The following KTN1 variants were observed in gnomAD, a reference collection of about 807,000 sequenced individuals.
KTN1 encodes the protein kinectin.
A neutral mutation model predicts 222.5 loss-of-function variants in KTN1; 130 were observed. That is an observed-to-expected ratio of 0.58 (90% CI 0.51 to 0.68). The LOEUF is 0.68. KTN1 is among the 30% of genes least tolerant of loss of function. KTN1 has a pLI of 0.00. For synonymous variants in KTN1, 512 were observed against 496.3 expected (o/e 1.03, Z -0.42); for missense variants, 1,508 against 1,500.4 (o/e 1.01, Z -0.08).
intron 18 of KTN1, among the ~76,000 whole-genome samples, chr14:55,643,949 G>A (rs1392477577): frequency 6.6e-6 from 1 of 152,098 alleles, no homozygotes; most frequent in Non-Finnish European, 1.5e-5. Context: ...AAATTTTATA[G>A]CCACATTTTT....
chr14:55,679,105 C>CTA (rs924519279), intron 42 of KTN1: 2 of 159,684 alleles, frequency 1.3e-5, no homozygotes, highest in African/African-American at 2.4e-5. Context: ...ATAATAGTAC[C>CTA]TATCCTGTAG....
chr14:55,583,210 CTG>C (rs1048765093), intron 1 of KTN1, among the ~76,000 whole-genome samples: 4 of 152,252 alleles, frequency 2.6e-5, no homozygotes, highest in Non-Finnish European at 5.9e-5. Context: ...CAGTTTACAA[CTG>C]TGTGCCGAGC....
In KTN1 at chr14:55,636,064, A is replaced by T. The variant is rs563943512; in HGVS notation, c.1462-385A>T. 7.9e-5 allele frequency among the ~76,000 whole-genome samples: 12 copies of T among 152,276 alleles called. No individual in the cohort carries two copies. The South Asian group carries it at 2.5e-3, about 32-fold the overall frequency. Reference sequence around the variant, plus strand: ...TACCTCAAAATAAGAATTTTTAGCTACTTAGATTTAGCAATAAAGACACCA... The same window carrying T: ...TACCTCAAAATAAGAATTTTTAGCTTCTTAGATTTAGCAATAAAGACACCA... On this transcript the variant is annotated intron_variant, in intron 9 of 43. Transcript: ENST00000395314.
At chr14:55,601,411 T>A (rs575389045) in intron 1 of KTN1, among the ~76,000 whole-genome samples, 2 of 152,316 alleles carry the variant, frequency 1.3e-5, no homozygotes, top group Non-Finnish European at 2.9e-5. Flanking sequence ...CTGGATTGTT[T>A]TGTCTTTTGC....
chr14:55,645,669 T>A (rs2042213164), intron 18 of KTN1, among the ~76,000 whole-genome samples: 1 of 152,210 alleles, frequency 6.6e-6, no homozygotes, highest in African/African-American at 2.4e-5. Flanking sequence ...AACTCCTATT[T>A]CCCTTCTCAT....
chr14:55,669,486 GCTT>G (rs2045242629), intron 34 of KTN1, among the ~76,000 whole-genome samples: 1 of 151,808 alleles, frequency 6.6e-6, no homozygotes, highest in Admixed American at 6.6e-5. Context: ...AAAGCAATAA[GCTT>G]CATTAATATT....
chr14:55,608,977 G>A (rs2037154620), intron 1 of KTN1, among the ~76,000 whole-genome samples: 2 of 151,742 alleles, frequency 1.3e-5, no homozygotes, highest in Non-Finnish European at 2.9e-5. Context: ...AATTCCTAGG[G>A]ATAAAGAATT....
At chr14:55,673,495 A>T (rs2045628066) in intron 40 of KTN1, 1 of 321,088 alleles carries the variant, frequency 3.1e-6, no homozygotes, top group Non-Finnish European at 5.6e-6. Flanking sequence ...ACTCTTTTTC[A>T]AAATTTTCCA....
chr14:55,613,913 T>C (rs1220787327), intron 2 of KTN1, among the ~76,000 whole-genome samples: 4 of 152,300 alleles, frequency 2.6e-5, no homozygotes, highest in Non-Finnish European at 5.9e-5. Context: ...AGAGGAAATA[T>C]AGAAGCTAAA....
intron 2 of KTN1, among the ~76,000 whole-genome samples, chr14:55,614,093 A>G (rs1051461968): frequency 1.3e-5 from 2 of 152,226 alleles, no homozygotes; most frequent in African/African-American, 4.8e-5. Context: ...AACGTGAGGT[A>G]TAGAGAGTGG....
chr14:55,641,246 C>G (rs2041770734), intron 17 of KTN1, 38 bp downstream of exon 17: 2 of 1,197,552 alleles, frequency 1.7e-6, no homozygotes, highest in Non-Finnish European at 2.4e-6. Context: ...TTTCTTAGAA[C>G]AACCTTGTAT....
In KTN1 at chr14:55,619,329, A is replaced by G. The variant is rs146267727; in HGVS notation, c.963+17A>G. On this transcript the variant is annotated intron_variant, in intron 5 of 43. Transcript: ENST00000395314. ...TTAAAGAAGGTAAGCGTGTTTTTTG[A>G]TTATGGGCATATTCATGACCAGTCA... is the stretch of plus-strand genomic sequence containing the variant. The G allele has an allele frequency of 1.9e-4, 312 of 1,611,726 alleles. 3 individuals carry two copies. In the East Asian group the frequency reaches 5.3e-3, roughly 27 times the overall value.
At chr14:55,644,024 G>A (rs2042048665) in intron 18 of KTN1, among the ~76,000 whole-genome samples, 1 of 152,148 alleles carries the variant, frequency 6.6e-6, no homozygotes, top group Non-Finnish European at 1.5e-5. Flanking sequence ...TTTAAGATCT[G>A]TTGGGTAATT....
chr14:55,610,280 C>G (rs1371375340), intron 1 of KTN1, among the ~76,000 whole-genome samples: 2 of 152,026 alleles, frequency 1.3e-5, no homozygotes, highest in Non-Finnish European at 2.9e-5. Context: ...TACTGTGGAA[C>G]CTGAGTATAC....
Position 55,619,186 on chromosome 14 carries a change from T to C in KTN1, c.837T>C (p.Asn279=), listed in dbSNP as rs2038798389. ...KKLKTETDKE[N]AEVKFKDFLL... ...GTTTGTTTTTTTCAAATTAAGAAAA[T>C]GCTGAAGTGAAGTTTAAAGATTTTC... Residue 279 remains asparagine, a synonymous_variant, in exon 5 of 44, where the codon AAT becomes AAC. Coordinates refer to ENST00000395314, the MANE Select transcript of KTN1 (RefSeq NM_001079521.2). 6.2e-7 allele frequency: 1 copy of C among 1,601,360 alleles called. No individual in the cohort carries two copies.
At position 55,641,770 on chromosome 14, in the gene KTN1, T is replaced by G; in HGVS notation, c.2172+10T>G. 6.7e-7 allele frequency: 1 copy of G among 1,493,764 alleles called. No homozygotes were observed. The highest frequency in any genetic ancestry group is 9.3e-7 in the Non-Finnish European group (1 of 1,073,378). 92.5% of individuals were successfully genotyped at this position (1,493,764 alleles called of 1,614,324 possible). On this transcript the variant is annotated intron_variant, in intron 18 of 43. Transcript: ENST00000395314. Reference sequence around the variant, plus strand: ...TCTTGTTTCTGAACAGGTAAGGCTTTTCCTAAATTACAAAGTAGAAATACT... The same window carrying G: ...TCTTGTTTCTGAACAGGTAAGGCTTGTCCTAAATTACAAAGTAGAAATACT...
intron 7 of KTN1, among the ~76,000 whole-genome samples, chr14:55,630,422 T>C (rs563153929): frequency 3.3e-5 from 5 of 152,338 alleles, no homozygotes; most frequent in African/African-American, 1.2e-4. Flanking sequence ...AATTAGGCAT[T>C]ATCAAGTAAG....
Position 55,684,366 on chromosome 14 carries a change from T to G in KTN1, c.*263T>G, listed in dbSNP as rs1161919816. 3.0e-6 allele frequency: 1 copy of G among 334,522 alleles called. No individual in the cohort carries two copies. Among genetic ancestry groups the G allele is most frequent in the Non-Finnish European group, 5.4e-6 (1 of 185,198 alleles). The allele number at this position is 334,522 out of a possible 1,614,324, so 20.7% of individuals were successfully genotyped here. ...ATTCCTGAAGATAAACATGTAATCT[T>G]TTATCTTATTTTGCTCAATAAAATT... On this transcript the variant is annotated 3_prime_UTR_variant, in exon 44 of 44. Transcript: ENST00000395314.
At chr14:55,670,611 TTGTC>T (rs1190353676) in intron 34 of KTN1, 114 bp from the exon 35 acceptor site, 21 of 629,300 alleles carry the variant, frequency 3.3e-5, no homozygotes, top group Admixed American at 2.3e-4. Flanking sequence ...AATGTCCTGT[TTGTC>T]TGTGTAGGTT....
Sources: gnomAD v4.1 joint callset for allele counts (sites outside exome capture counted in the v4.1 genomes callset) on GRCh38, gnomAD v4.1.1 for gene constraint, MANE v1.5 for transcripts, NCBI Gene and HGNC (gene_info 2026-07-23, HGNC 2026-07-21) for gene names.